FSTL4: variants seen among roughly 807,000 people sequenced by gnomAD.
The protein encoded by FSTL4 is follistatin like 4.
FSTL4 carries 28 observed loss-of-function variants against 78.2 expected under a neutral mutation model. The observed-to-expected ratio is 0.36, with a 90% CI of 0.27 to 0.49. FSTL4 has a LOEUF of 0.49. Ranked by LOEUF, FSTL4 falls within the 20% of genes least tolerant of loss-of-function variation. The probability of loss-of-function intolerance (pLI) is 0.98; values close to 1 mark genes in which losing one functional copy is unlikely to be tolerated. For missense variants in FSTL4, 922 were observed against 1,084.9 expected (o/e 0.85, Z 2.11); for synonymous variants, 422 against 440.5 (o/e 0.96, Z 0.53).
At chr5:133,525,998 C>T (rs1000407796) in intron 3 of FSTL4, among the ~76,000 whole-genome samples, 2 of 152,178 alleles carry the variant, frequency 1.3e-5, no homozygotes, top group Non-Finnish European at 2.9e-5. Flanking sequence ...GGAGACGGAG[C>T]AGCTTGTTAT....
At chr5:133,438,337 T>C (rs1757079618) in intron 3 of FSTL4, among the ~76,000 whole-genome samples, 2 of 152,252 alleles carry the variant, frequency 1.3e-5, no homozygotes, top group Admixed American at 1.3e-4. Context: ...ATTTAATTTG[T>C]TCTTCCAGAA....
intron 4 of FSTL4, among the ~76,000 whole-genome samples, chr5:133,374,982 C>G (rs1038052483): frequency 4.6e-5 from 7 of 152,074 alleles, no homozygotes; most frequent in African/African-American, 1.2e-4. Context: ...ACAGATCAGA[C>G]AGAAATCTTG....
intron 6 of FSTL4, among the ~76,000 whole-genome samples, chr5:133,291,966 T>C (rs926009882): frequency 6.6e-6 from 1 of 152,208 alleles, no homozygotes; most frequent in Non-Finnish European, 1.5e-5. Context: ...TTTTCTAAAA[T>C]ATCAGAGACT....
chr5:133,358,381 A>G lies in FSTL4; in HGVS notation c.410-41729T>C, dbSNP rs151329198. On this transcript the variant is annotated intron_variant, in intron 4 of 15. Coordinates refer to ENST00000265342, the MANE Select transcript of FSTL4 (RefSeq NM_015082.2). ...TCCCAGCATCAACCTGGGAAGGCTG[A>G]TTAGAGGAATGACGGCCTTACGTGT... 3.9e-3 allele frequency among the ~76,000 whole-genome samples: 597 copies of G among 152,178 alleles called. 6 individuals carry two copies. Among genetic ancestry groups the G allele is most frequent in the African/African-American group, 0.014 (568 of 41,500 alleles).
At chr5:133,529,087 C>T (rs1189780871) in intron 3 of FSTL4, among the ~76,000 whole-genome samples, 3 of 152,148 alleles carry the variant, frequency 2.0e-5, no homozygotes, top group Non-Finnish European at 4.4e-5. Context: ...CCTGGATCCA[C>T]GAATGGCCAT....
At chr5:133,545,105 C>T (rs1218355035) in intron 3 of FSTL4, among the ~76,000 whole-genome samples, 3 of 152,126 alleles carry the variant, frequency 2.0e-5, no homozygotes, top group African/African-American at 7.2e-5. Context: ...GATGAGATGG[C>T]TCAGGACAGG....
the FSTL4 span, among the ~76,000 whole-genome samples, chr5:133,710,326 C>G: frequency 2.0e-5 from 3 of 152,186 alleles, no homozygotes; most frequent in African/African-American, 7.2e-5. Context: ...CCCAAGAGCA[C>G]CTATCTTCAT....
At chr5:133,498,269 T>C (rs1758413228) in intron 3 of FSTL4, among the ~76,000 whole-genome samples, 1 of 152,202 alleles carries the variant, frequency 6.6e-6, no homozygotes, top group Non-Finnish European at 1.5e-5. Context: ...AGTGAAATAA[T>C]GTTTGAGAAA....
the FSTL4 span, among the ~76,000 whole-genome samples, chr5:133,789,213 A>G: frequency 2.2e-4 from 34 of 152,260 alleles, no homozygotes; most frequent in Admixed American, 2.0e-3. Flanking sequence ...CCATGTTACC[A>G]ATTCATTCAT....
At chr5:133,613,472 A>AT (rs917146611), upstream of FSTL4, among the ~76,000 whole-genome samples, 9 of 152,240 alleles carry the variant, frequency 5.9e-5, no homozygotes, top group African/African-American at 2.2e-4. Context: ...GACAGAGGGG[A>AT]TTTTTCTGAG....
chr5:133,288,446 C>T (rs1438812830), intron 6 of FSTL4, among the ~76,000 whole-genome samples: 2 of 152,236 alleles, frequency 1.3e-5, no homozygotes, highest in Admixed American at 1.3e-4. Context: ...CTGGCCCGCT[C>T]ACTGAATTGA....
the FSTL4 span, among the ~76,000 whole-genome samples, chr5:133,621,410 A>G: frequency 6.6e-6 from 1 of 152,290 alleles, no homozygotes; most frequent in South Asian, 2.1e-4. Context: ...AAAAAAACAC[A>G]AAAAACAAAA....
rs370928149 is a variant in FSTL4, at chr5:133,562,174, C to G, written c.160+5012G>C. Among the ~76,000 whole-genome samples, 6 of 152,120 alleles carry G rather than the reference C, an allele frequency of 3.9e-5. No homozygotes were observed. The East Asian group carries it at 1.2e-3, about 29-fold the overall frequency. ...ATCTGGATGGCTCCCTTTTAAATTC[C>G]CTACATCTGCAGCTATTAAAGAAGT... On this transcript the variant is annotated intron_variant, in intron 3 of 15. Transcript: ENST00000265342.
chr5:133,693,312 T>G, the FSTL4 span, among the ~76,000 whole-genome samples: 51,780 of 151,856 alleles, frequency 0.34, 9,493 homozygotes, highest in African/African-American at 0.48. Flanking sequence ...ATTAGAAGAT[T>G]AGGGAGCCTT....
At chr5:133,433,580 G>A (rs1296522006) in intron 3 of FSTL4, among the ~76,000 whole-genome samples, 1 of 152,194 alleles carries the variant, frequency 6.6e-6, no homozygotes, top group Non-Finnish European at 1.5e-5. Context: ...AGCCTGCAAT[G>A]GAATTTATAT....
chr5:133,241,507 C>T (rs1284454702), intron 7 of FSTL4, among the ~76,000 whole-genome samples: 1 of 152,234 alleles, frequency 6.6e-6, no homozygotes, highest in Non-Finnish European at 1.5e-5. Context: ...TCTGAGCCCT[C>T]CACTTGTCCA....
the FSTL4 span, among the ~76,000 whole-genome samples, chr5:133,678,538 G>A: frequency 4.0e-5 from 6 of 150,604 alleles, no homozygotes; most frequent in Admixed American, 4.0e-4. Flanking sequence ...GGAAGCCTGG[G>A]AGAGGGGCAG....
At chr5:133,262,403 T>C (rs552582819) in intron 6 of FSTL4, among the ~76,000 whole-genome samples, 6 of 152,322 alleles carry the variant, frequency 3.9e-5, no homozygotes, top group African/African-American at 9.6e-5. Flanking sequence ...AAGGGCCTAA[T>C]TGTAATAGAG....
intron 3 of FSTL4, among the ~76,000 whole-genome samples, chr5:133,467,164 GTGTA>G (rs1474842557): frequency 1.3e-5 from 2 of 151,632 alleles, no homozygotes; most frequent in African/African-American, 2.4e-5. Flanking sequence ...GTGAGAGTGA[GTGTA>G]TGAGTGTGGG....
Sources: gnomAD v4.1 joint callset for allele counts (sites outside exome capture counted in the v4.1 genomes callset) on GRCh38, gnomAD v4.1.1 for gene constraint, MANE v1.5 for transcripts, NCBI Gene and HGNC (gene_info 2026-07-23, HGNC 2026-07-21) for gene names.